LONRF2: variants seen among roughly 807,000 people sequenced by gnomAD.
LONRF2 encodes the protein LON peptidase N-terminal domain and ring finger 2.
In LONRF2, 35 loss-of-function variants were observed where a neutral mutation model predicts 66.6. The ratio of observed to expected loss-of-function variants is 0.53; its 90% CI spans 0.40 to 0.70. The LOEUF (loss-of-function observed/expected upper bound fraction) is 0.70, where lower values mean the gene tolerates loss of function less well. LONRF2 is among the 30% of genes least tolerant of loss of function. The probability of loss-of-function intolerance (pLI) is 0.00; values close to 1 mark genes in which losing one functional copy is unlikely to be tolerated. For synonymous variants in LONRF2, 417 were observed against 418.1 expected, an observed-to-expected ratio of 1.00 and a Z score of 0.03; for missense variants, 902 against 1,002.1, an observed-to-expected ratio of 0.90 and a Z score of 1.35.
Position 100,273,253 on chromosome 2 carries a change from C to T in LONRF2, c.*11045G>A, listed in dbSNP as rs1291267440. ...GGCCTTCAGAGAAAGCCCGGCCCTA[C>T]TGGCACCTTGGCTTTGGATTTCTAA... On this transcript the variant is annotated 3_prime_UTR_variant, in exon 12 of 12. Coordinates refer to ENST00000393437, the MANE Select transcript of LONRF2 (RefSeq NM_198461.4). 6.6e-6 allele frequency: 1 copy of T among 152,208 alleles called. No homozygotes were observed. The highest frequency in any genetic ancestry group is 2.4e-5 in the African/African-American group (1 of 41,446). The allele number at this position is 152,208 out of a possible 1,614,324, so 9.4% of individuals were successfully genotyped here.
chr2:100,295,774 G>A (rs969516902), intron 7 of LONRF2, among the ~76,000 whole-genome samples: 1 of 152,078 alleles, frequency 6.6e-6, no homozygotes, highest in Non-Finnish European at 1.5e-5. Flanking sequence ...TGAAGGATGA[G>A]GCAACTCAAT....
intron 1 of LONRF2, among the ~76,000 whole-genome samples, chr2:100,313,227 G>T (rs1675442841): frequency 6.6e-6 from 1 of 152,214 alleles, no homozygotes; most frequent in South Asian, 2.1e-4. Flanking sequence ...AGGCGTGGTG[G>T]CTCACGCCTG....
chr2:100,311,113 T>C (rs1188634123), intron 1 of LONRF2, among the ~76,000 whole-genome samples: 1 of 152,206 alleles, frequency 6.6e-6, no homozygotes, highest in Non-Finnish European at 1.5e-5. Context: ...TTGAGCATTT[T>C]AATTGCTGGG....
At chr2:100,320,249 T>G (rs1284453780) in intron 1 of LONRF2, among the ~76,000 whole-genome samples, 1 of 152,198 alleles carries the variant, frequency 6.6e-6, no homozygotes, top group Non-Finnish European at 1.5e-5. Context: ...TAGTTCTAAT[T>G]GGATAGTGCT....
At chr2:100,303,325 C>T (rs140688407) in intron 2 of LONRF2, among the ~76,000 whole-genome samples, 2 of 152,204 alleles carry the variant, frequency 1.3e-5, no homozygotes, top group Admixed American at 6.5e-5. Flanking sequence ...TAAGAGAAAA[C>T]TGGCTATCCA....
rs1192406743 is a variant in LONRF2, at chr2:100,277,468, C to G, written c.*6830G>C. ...CACAGGACAGAGTCAAGCCTGGGCC[C>G]TCTGGTGTATTCTACCCACAGGAGG... On this transcript the variant is annotated 3_prime_UTR_variant, in exon 12 of 12. Transcript: ENST00000393437. 6.6e-6 allele frequency: 1 copy of G among 152,218 alleles called. No individual in the cohort carries two copies. Among genetic ancestry groups the G allele is most frequent in the East Asian group, 1.9e-4 (1 of 5,174 alleles). 9.4% of individuals were successfully genotyped at this position (152,218 alleles called of 1,614,324 possible).
intron 7 of LONRF2, among the ~76,000 whole-genome samples, chr2:100,297,636 C>A (rs1675098328): frequency 6.6e-6 from 1 of 152,164 alleles, no homozygotes; most frequent in Admixed American, 6.5e-5. Context: ...TCCGATGCAT[C>A]TACTAGCAAG....
chr2:100,300,252 A>T (rs1675157678), intron 4 of LONRF2, among the ~76,000 whole-genome samples: 1 of 150,304 alleles, frequency 6.7e-6, no homozygotes, highest in Non-Finnish European at 1.5e-5. Context: ...CCTTTGCTTT[A>T]TTTTTTTTTA....
In LONRF2 at chr2:100,290,436, G is replaced by C. The variant is rs1160673674; in HGVS notation, c.1758-16C>G. The C allele has an allele frequency of 1.3e-6, 2 of 1,590,228 alleles. No individual in the cohort carries two copies. The highest frequency in any genetic ancestry group is 8.6e-7 in the Non-Finnish European group (1 of 1,169,468). ...CTCTGAAAGCCTGAAAAGACAGTTA[G>C]GAGAAATGACTGTGATTTTTAAAAT... is the stretch of plus-strand genomic sequence containing the variant. On this transcript the variant is annotated splice_polypyrimidine_tract_variant and intron_variant, in intron 9 of 11. Coordinates refer to ENST00000393437, the MANE Select transcript of LONRF2 (RefSeq NM_198461.4).
chr2:100,301,212 C>T (rs939094070), intron 3 of LONRF2, among the ~76,000 whole-genome samples: 1 of 152,080 alleles, frequency 6.6e-6, no homozygotes, highest in South Asian at 2.1e-4. Flanking sequence ...AGACCCACCT[C>T]GTAAAGAACT....
rs1311617229 is a variant in LONRF2 at position 100,282,903 on chromosome 2, A to G, written c.*1395T>C. On this transcript the variant is annotated 3_prime_UTR_variant, in exon 12 of 12. Transcript: ENST00000393437. ...AATAATATTATAAAGTCTTTCTAAT[A>G]AAATGCTTGATGGATTGATATACCA... The G allele has an allele frequency of 6.6e-6, 1 of 152,052 alleles. No homozygotes were observed. Among genetic ancestry groups the G allele is most frequent in the Non-Finnish European group, 1.5e-5 (1 of 68,032 alleles). The allele number at this position is 152,052 out of a possible 1,614,324, so 9.4% of individuals were successfully genotyped here. A position where few individuals can be genotyped will look rare whatever the true frequency, so the allele number is the denominator to read the frequency against.
Position 100,306,209 on chromosome 2 carries a change from T to C in LONRF2, c.798+2898A>G, listed in dbSNP as rs1573121645. On this transcript the variant is annotated intron_variant, in intron 2 of 11. Transcript: ENST00000393437. ...GATTACAGGTGTGAGCCACCACACC[T>C]GGTCAGGAAAAGTACAAAATTAAGA... 2.0e-5 allele frequency among the ~76,000 whole-genome samples: 3 copies of C among 149,588 alleles called. No individual in the cohort carries two copies. The South Asian group carries it at 6.4e-4, about 32-fold the overall frequency.
intron 11 of LONRF2, 93 bp downstream of exon 11, chr2:100,286,821 C>T (rs1674855389): frequency 7.0e-7 from 1 of 1,429,570 alleles, no homozygotes; most frequent in African/African-American, 1.4e-5. Flanking sequence ...TTGGGGTAAC[C>T]AGCATCATAC....
At chr2:100,313,251 T>C (rs1404010533) in intron 1 of LONRF2, among the ~76,000 whole-genome samples, 1 of 152,136 alleles carries the variant, frequency 6.6e-6, no homozygotes, top group Non-Finnish European at 1.5e-5. Context: ...TCCCAACACT[T>C]TGGGAGGCCG....
rs765586204 is a variant in LONRF2 at position 100,295,516 on chromosome 2, G to T, written c.1514C>A (p.Ala505Asp). The change falls in exon 8 of 12, where the codon GCC becomes GAC. Residue 505 changes from alanine to aspartate, a missense_variant. Physicochemically the swap from Ala to Asp is moderately radical, Grantham distance 126 (BLOSUM62 -2). This residue lies in a region of LONRF2 where 317 missense variants were observed against 432.2 expected (regional missense o/e 0.73). Transcript: ENST00000393437. ...CAAATATCGAAATATTAATTCTTCG[G>T]CCAGAACAGTTATGTTAAAGTTTCT... is the stretch of plus-strand genomic sequence containing the variant. ...ASRNFNITVL[A>D]EELIFRYLPD... 2.5e-6 allele frequency: 4 copies of T among 1,613,246 alleles called. No homozygotes were observed.
intron 2 of LONRF2, among the ~76,000 whole-genome samples, chr2:100,306,141 T>A (rs1675286683): frequency 6.6e-6 from 1 of 152,080 alleles, no homozygotes. Context: ...CTTGAACTCC[T>A]GACCTCAAGT....
At chr2:100,303,142 T>C in intron 2 of LONRF2, 99 bp from the exon 3 acceptor site, 2 of 1,202,288 alleles carry the variant, frequency 1.7e-6, no homozygotes, top group Non-Finnish European at 2.3e-6. Flanking sequence ...ACAATTTGTT[T>C]TAATTTCACA....
intron 4 of LONRF2, among the ~76,000 whole-genome samples, chr2:100,300,290 G>A (rs1675159282): frequency 6.6e-6 from 1 of 151,386 alleles, no homozygotes; most frequent in South Asian, 2.1e-4. Context: ...TAGGGTACAT[G>A]TGTACAACGT....
chr2:100,297,738 A>G (rs10176143), intron 7 of LONRF2, among the ~76,000 whole-genome samples: 43,040 of 152,102 alleles, frequency 0.28, 7,136 homozygotes, highest in East Asian at 0.46. Flanking sequence ...TGTGACACAC[A>G]GCGCACAGCA....
Sources: allele counts gnomAD v4.1 joint callset (sites outside exome capture counted in the v4.1 genomes callset), GRCh38; gene constraint gnomAD v4.1.1; regional missense constraint gnomAD v4.1.1; transcripts MANE v1.5; gene names NCBI Gene and HGNC (gene_info 2026-07-23, HGNC 2026-07-21).